Variants in MMP2 observed in about 807,000 individuals in gnomAD.
The protein encoded by MMP2 is 72 kDa type IV collagenase.
In MMP2, 39 loss-of-function variants were observed where a neutral mutation model predicts 74.8. The ratio of observed to expected loss-of-function variants is 0.52; its 90% confidence interval spans 0.40 to 0.68. MMP2 has a LOEUF of 0.68. Ranked by LOEUF, MMP2 falls within the 30% of genes least tolerant of loss-of-function variation. The probability of loss-of-function intolerance (pLI) is 0.00; values close to 1 mark genes in which losing one functional copy is unlikely to be tolerated. For missense variants in MMP2, 803 were observed against 878.3 expected (o/e 0.91, Z 1.08); for synonymous variants, 367 against 339.8 (o/e 1.08, Z -0.88).
rs779939533 is a variant in MMP2, at chr16:55,502,906, G to T, written c.1879+18G>T. 6.2e-7 allele frequency: 1 copy of T among 1,601,532 alleles called. No homozygotes were observed. Among genetic ancestry groups the T allele is most frequent in the South Asian group, 1.1e-5 (1 of 90,840 alleles). On this transcript the variant is annotated intron_variant, in intron 12 of 12. Coordinates refer to ENST00000219070, the MANE Select transcript of MMP2 (RefSeq NM_004530.6). ...GGGCGGCGGTGAGCCACCCAGGACTGTCTCCGCTTTCTAGGACTCCCCGCC... is the reference window on the plus strand; with the variant it reads ...GGGCGGCGGTGAGCCACCCAGGACTTTCTCCGCTTTCTAGGACTCCCCGCC...
intron 9 of MMP2, among the ~76,000 whole-genome samples, chr16:55,495,321 C>T (rs1205915558): frequency 6.6e-6 from 1 of 152,192 alleles, no homozygotes; most frequent in Non-Finnish European, 1.5e-5. Flanking sequence ...GGATGCAGAG[C>T]CCAGACCCAG....
chr16:55,497,461 G>T (rs1962558572), intron 10 of MMP2, among the ~76,000 whole-genome samples: 1 of 152,176 alleles, frequency 6.6e-6, no homozygotes, highest in Admixed American at 6.5e-5. Context: ...TTTACTTTTA[G>T]ACATAAATTG....
rs1962175174 is a variant in MMP2 at position 55,484,052 on chromosome 16, A to G, written c.417A>G (p.Thr139=). 2 of 1,614,204 alleles carry G rather than the reference A, an allele frequency of 1.2e-6. No homozygotes were observed. Among genetic ancestry groups the G allele is most frequent in the African/African-American group, 2.7e-5 (2 of 75,046 alleles). ...ACACACCTGATCTGGACCCAGAGAC[A>G]GTGGATGATGCCTTTGCTCGTGCCT... ...IGYTPDLDPE[T]VDDAFARAFQ... The change falls in exon 3 of 13, where the codon ACA becomes ACG. Residue 139 remains threonine (T), a synonymous_variant. Transcript: ENST00000219070.
intron 7 of MMP2, 109 bp downstream of exon 7, chr16:55,489,933 C>G (rs1414361807): frequency 7.8e-7 from 1 of 1,280,976 alleles, no homozygotes; most frequent in Non-Finnish European, 1.1e-6. Flanking sequence ...GACACTGCCC[C>G]CCAGACACCC....
At chr16:55,492,667 G>T (rs1962439915) in intron 8 of MMP2, among the ~76,000 whole-genome samples, 1 of 152,044 alleles carries the variant, frequency 6.6e-6, no homozygotes, top group Non-Finnish European at 1.5e-5. Flanking sequence ...TGTGGCCTCT[G>T]CCCTTCACTA....
At chr16:55,486,242 A>G (rs991109498) in intron 5 of MMP2, among the ~76,000 whole-genome samples, 2 of 151,666 alleles carry the variant, frequency 1.3e-5, no homozygotes, top group Non-Finnish European at 1.5e-5. Flanking sequence ...CCAGGGCTGG[A>G]CTCAACCTGG....
intron 6 of MMP2, 38 bp from the exon 7 acceptor site, chr16:55,489,613 T>C (rs2142355307): frequency 1.2e-6 from 2 of 1,612,154 alleles, no homozygotes; most frequent in Middle Eastern, 1.7e-4. Context: ...AGCCTCAGAC[T>C]CTTTGCTGCG....
chr16:55,500,503 A>ACACACACACACG (rs1367841564), intron 11 of MMP2, among the ~76,000 whole-genome samples: 1 of 131,658 alleles, frequency 7.6e-6, no homozygotes. Context: ...ATACACACAC[A>ACACACACACACG]CACACACACA....
At position 55,484,088 on chromosome 16, in the gene MMP2, G is replaced by A; in HGVS notation, c.453G>A (p.Trp151Ter). Residue 151 changes from tryptophan (W) to a stop codon, truncating the protein, a stop_gained, in exon 3 of 13, where the codon TGG becomes TGA. Coordinates refer to ENST00000219070, the MANE Select transcript of MMP2 (RefSeq NM_004530.6). LOFTEE classifies it high-confidence loss of function. ...CCTTTGCTCGTGCCTTCCAAGTCTG[G>A]AGCGATGTGACCCCACTGCGGTTTT... is the stretch of plus-strand genomic sequence containing the variant. Reference protein sequence around the residue: ...DDAFARAFQVWSDVTPLRFSR... With the variant: ...DDAFARAFQV 1 of 1,614,186 alleles carries A rather than the reference G, an allele frequency of 6.2e-7. No homozygotes were observed. The highest frequency in any genetic ancestry group is 8.5e-7 in the Non-Finnish European group (1 of 1,180,034).
chr16:55,483,788 G>T (rs763580874), intron 2 of MMP2, among the ~76,000 whole-genome samples: 4 of 152,174 alleles, frequency 2.6e-5, no homozygotes, highest in Admixed American at 6.5e-5. Context: ...TGGGAGGGTT[G>T]TCCTTGGCAG....
chr16:55,490,100 C>A (rs1490560343), intron 7 of MMP2, among the ~76,000 whole-genome samples: 1 of 152,140 alleles, frequency 6.6e-6, no homozygotes, highest in African/African-American at 2.4e-5. Flanking sequence ...TAAGAACTGG[C>A]CTTCCTGAGG....
chr16:55,491,000 G>C (rs769751137), intron 7 of MMP2, among the ~76,000 whole-genome samples: 4 of 151,974 alleles, frequency 2.6e-5, no homozygotes, highest in Non-Finnish European at 5.9e-5. Flanking sequence ...CCCTCTGAAG[G>C]ATGCGTCACT....
chr16:55,484,487 T>C (rs564937220), intron 3 of MMP2, among the ~76,000 whole-genome samples: 213 of 152,284 alleles, frequency 1.4e-3, no homozygotes, highest in Middle Eastern at 6.8e-3. Context: ...AGTTAAAAAT[T>C]TTAAATTAGT....
At chr16:55,496,835 G>A (rs1962538542) in intron 9 of MMP2, 91 bp from the exon 10 acceptor site, 9 of 1,545,032 alleles carry the variant, frequency 5.8e-6, no homozygotes, top group Non-Finnish European at 7.1e-6. Context: ...ATCATCTCTG[G>A]GATGTTTCTG....
chr16:55,488,835 G>A (rs1333811697), intron 6 of MMP2, 119 bp downstream of exon 6: 5 of 1,075,294 alleles, frequency 4.6e-6, no homozygotes, highest in Non-Finnish European at 5.5e-6. Flanking sequence ...TAAGACATCT[G>A]TGCGAATGAC....
At chr16:55,485,252 GGGT>G (rs769934876) in intron 3 of MMP2, 44 bp from the exon 4 acceptor site, 4 of 1,613,808 alleles carry the variant, frequency 2.5e-6, no homozygotes, top group Non-Finnish European at 3.4e-6. Context: ...AGGGGTTTCA[GGGT>G]CTAGGTGGCA....
At position 55,489,739 on chromosome 16, in the gene MMP2, C is replaced by T. The variant is rs753862231; in HGVS notation, c.1095C>T (p.Ser365=). ...GCAACAAATATGAGAGCTGCACCAG[C>T]GCCGGCCGCAGTGACGGAAAGATGT... ...FLGNKYESCT[S]AGRSDGKMWC... The change falls in exon 7 of 13, where the codon AGC becomes AGT. Residue 365 remains serine, a synonymous_variant. Transcript: ENST00000219070. 41 of 1,614,034 alleles carry T rather than the reference C, an allele frequency of 2.5e-5. 1 individual carries two copies. In the South Asian group the frequency reaches 3.1e-4, roughly 12 times the overall value.
intron 9 of MMP2, among the ~76,000 whole-genome samples, chr16:55,494,506 G>C (rs1423023275): frequency 6.6e-6 from 1 of 152,182 alleles, no homozygotes; most frequent in East Asian, 1.9e-4. Flanking sequence ...ATGTTCTCGG[G>C]ACAGTGGGGT....
intron 6 of MMP2, 177 bp downstream of exon 6, chr16:55,488,893 G>A (rs1409504566): frequency 1.4e-6 from 1 of 695,238 alleles, no homozygotes; most frequent in Non-Finnish European, 2.5e-6. Context: ...TTGTCACCTG[G>A]TATGGCCTGG....
Sources: allele counts gnomAD v4.1 joint callset (sites outside exome capture counted in the v4.1 genomes callset), GRCh38; gene constraint gnomAD v4.1.1; transcripts MANE v1.5; gene names NCBI Gene and HGNC (gene_info 2026-07-23, HGNC 2026-07-21).